Variants in SULT4A1 observed in about 807,000 individuals in gnomAD.
SULT4A1 encodes sulfotransferase family 4A member 1, also known as sulfotransferase 4A1.
In SULT4A1, 11 loss-of-function variants were observed where a neutral mutation model predicts 35.2. The observed-to-expected ratio is 0.31, with a 90% CI of 0.20 to 0.52. SULT4A1 has a LOEUF of 0.52. Among genes scored for constraint, SULT4A1 ranks in the 20% least tolerant of loss-of-function variants. The pLI is 0.97. For synonymous variants in SULT4A1, 152 were observed against 151.8 expected, an observed-to-expected ratio of 1.00 and a Z score of -0.01; for missense variants, 271 against 383.7, an observed-to-expected ratio of 0.71 and a Z score of 2.45.
At chr22:43,848,271 G>A (rs769367276) in intron 1 of SULT4A1, among the ~76,000 whole-genome samples, 3 of 152,186 alleles carry the variant, frequency 2.0e-5, no homozygotes, top group Non-Finnish European at 4.4e-5. Flanking sequence ...GCCACAAAGT[G>A]ACCTGCTGAG....
chr22:43,861,991 A>G (rs1033084550), intron 1 of SULT4A1, among the ~76,000 whole-genome samples: 1 of 152,078 alleles, frequency 6.6e-6, no homozygotes, highest in Non-Finnish European at 1.5e-5. Context: ...AAGGTCTCTG[A>G]CCTTGGTTTC....
intron 6 of SULT4A1, chr22:43,826,324 G>A: frequency 4.1e-6 from 4 of 985,402 alleles, no homozygotes; most frequent in Non-Finnish European, 4.8e-6. Flanking sequence ...AACATGACCT[G>A]AACCAGCTTC....
chr22:43,862,228 G>A lies in SULT4A1; in HGVS notation c.155C>T (p.Thr52Ile). ...PVRPSDVWIV[T>I]YPKSGTSLLQ... ...GCGGGGCTCACCGGACTTGGGGTAGGTGACGATCCACACGTCGCTGGGCCG... is the reference window on the plus strand; with the variant it reads ...GCGGGGCTCACCGGACTTGGGGTAGATGACGATCCACACGTCGCTGGGCCG... The change falls in exon 1 of 7, where the codon ACC (threonine) becomes ATC (isoleucine). Residue 52 changes from threonine (T) to isoleucine (I), a missense_variant. This residue lies in a region of SULT4A1 where 164 missense variants were observed against 254.1 expected (regional missense o/e 0.65). Coordinates refer to ENST00000330884, the MANE Select transcript of SULT4A1 (RefSeq NM_014351.4). 1 of 1,560,244 alleles carries A rather than the reference G, an allele frequency of 6.4e-7. No individual in the cohort carries two copies. The highest frequency in any genetic ancestry group is 8.7e-7 in the Non-Finnish European group (1 of 1,152,764).
rs1352523764 is a variant in SULT4A1, at chr22:43,825,859, C to T, written c.*142G>A. 2.8e-5 allele frequency: 22 copies of T among 783,814 alleles called. No individual in the cohort carries two copies. The East Asian group carries it at 3.3e-4, about 12-fold the overall frequency. The allele number at this position is 783,814 out of a possible 1,614,324, so 48.6% of individuals were successfully genotyped here. On this transcript the variant is annotated 3_prime_UTR_variant, in exon 7 of 7. Coordinates refer to ENST00000330884, the MANE Select transcript of SULT4A1 (RefSeq NM_014351.4). Reference sequence around the variant, plus strand: ...CGGTTGGGAATCATCACACTCCCTCCGCTCACGCCGCTCTTCCCTTCCCCC... The same window carrying T: ...CGGTTGGGAATCATCACACTCCCTCTGCTCACGCCGCTCTTCCCTTCCCCC...
intron 1 of SULT4A1, among the ~76,000 whole-genome samples, chr22:43,859,205 C>T (rs1354879263): frequency 1.3e-5 from 2 of 152,190 alleles, no homozygotes; most frequent in African/African-American, 4.8e-5. Flanking sequence ...GCTTCAGCTC[C>T]CCTCAGCTTC....
intron 1 of SULT4A1, among the ~76,000 whole-genome samples, chr22:43,855,089 T>A (rs1389480128): frequency 6.6e-6 from 1 of 152,138 alleles, no homozygotes; most frequent in South Asian, 2.1e-4. Flanking sequence ...CCTCCAGGCA[T>A]CAGCAGCAGC....
At chr22:43,839,484 C>T (rs992712581) in intron 3 of SULT4A1, among the ~76,000 whole-genome samples, 6 of 152,176 alleles carry the variant, frequency 3.9e-5, no homozygotes, top group African/African-American at 1.4e-4. Flanking sequence ...GTCCCAGCTA[C>T]TCAGGAGGCT....
chr22:43,836,522 G>T (rs1249980905), intron 4 of SULT4A1, among the ~76,000 whole-genome samples: 1 of 140,316 alleles, frequency 7.1e-6, no homozygotes, highest in African/African-American at 2.7e-5. Context: ...TGCCTACACA[G>T]CGTCCTCACA....
intron 1 of SULT4A1, among the ~76,000 whole-genome samples, chr22:43,858,721 C>G (rs2049431773): frequency 6.6e-6 from 1 of 152,098 alleles, no homozygotes. Context: ...CACCCCCACG[C>G]CTCTCTTACC....
chr22:43,857,173 T>C (rs1366761002), intron 1 of SULT4A1, among the ~76,000 whole-genome samples: 1 of 151,764 alleles, frequency 6.6e-6, no homozygotes, highest in Non-Finnish European at 1.5e-5. Context: ...TCAGCAGACT[T>C]GACACAGCAG....
intron 6 of SULT4A1, chr22:43,827,516 G>A: frequency 4.5e-6 from 6 of 1,346,250 alleles, no homozygotes; most frequent in Non-Finnish European, 5.9e-6. Flanking sequence ...TCACCCACCT[G>A]GTTTAGGATT....
rs1301485243 is a variant in SULT4A1, at chr22:43,862,190, GGGCGCGGTC to G, written c.169+15_169+23del. 6.7e-7 allele frequency: 1 copy of G among 1,485,638 alleles called. No individual in the cohort carries two copies. Among genetic ancestry groups the G allele is most frequent in the Non-Finnish European group, 9.0e-7 (1 of 1,115,364 alleles). 92.0% of individuals were successfully genotyped at this position (1,485,638 alleles called of 1,614,324 possible). On this transcript the variant is annotated intron_variant, in intron 1 of 6. Coordinates refer to ENST00000330884, the MANE Select transcript of SULT4A1 (RefSeq NM_014351.4). ...CTGCAGGGCTGGGGCATGGCGTGGC[GGGCGCGGTC>G]GGCGCGGGGCTCACCGGACTTGGGG...
intron 1 of SULT4A1, among the ~76,000 whole-genome samples, chr22:43,849,003 T>A (rs577171209): frequency 1.2e-4 from 19 of 152,294 alleles, no homozygotes; most frequent in African/African-American, 4.3e-4. Context: ...CACTTCTGAG[T>A]GGCAAACCGA....
At chr22:43,857,557 T>C (rs2049416430) in intron 1 of SULT4A1, among the ~76,000 whole-genome samples, 2 of 152,012 alleles carry the variant, frequency 1.3e-5, no homozygotes, top group Admixed American at 1.3e-4. Flanking sequence ...TCCAAAATAA[T>C]GAAAAGCATC....
intron 4 of SULT4A1, among the ~76,000 whole-genome samples, chr22:43,836,306 T>C (rs961838642): frequency 7.4e-6 from 1 of 135,266 alleles, no homozygotes; most frequent in Admixed American, 7.1e-5. Context: ...GGACCCTGTC[T>C]ACACAGCGTC....
chr22:43,850,994 A>C (rs1163081968), intron 1 of SULT4A1, among the ~76,000 whole-genome samples: 2 of 151,958 alleles, frequency 1.3e-5, no homozygotes. Context: ...GAACATTCTG[A>C]AAATCTAGCT....
rs538901926 is a variant in SULT4A1 at position 43,826,309 on chromosome 22, G to A, written c.743-196C>T. On this transcript the variant is annotated intron_variant, in intron 6 of 6. Transcript: ENST00000330884. Reference sequence around the variant, plus strand: ...TAACATTTGTGAAACTACTGGATGCGGCAGAACATGACCTGAACCAGCTTC... The same window carrying A: ...TAACATTTGTGAAACTACTGGATGCAGCAGAACATGACCTGAACCAGCTTC... 12 of 985,360 alleles carry A rather than the reference G, an allele frequency of 1.2e-5. No homozygotes were observed. In the South Asian group the frequency reaches 2.3e-4, roughly 19 times the overall value. 61.0% of individuals were successfully genotyped at this position (985,360 alleles called of 1,614,324 possible).
chr22:43,852,371 G>A (rs193227976), intron 1 of SULT4A1, among the ~76,000 whole-genome samples: 5 of 151,578 alleles, frequency 3.3e-5, no homozygotes, highest in African/African-American at 1.2e-4. Flanking sequence ...AGAGATGGGG[G>A]TCTCCCTATG....
chr22:43,845,511 C>T (rs554002587), intron 1 of SULT4A1, among the ~76,000 whole-genome samples: 1 of 152,272 alleles, frequency 6.6e-6, no homozygotes, highest in African/African-American at 2.4e-5. Context: ...TGAGCCCCGC[C>T]GACCCTGCCG....
Sources: gnomAD v4.1 joint callset for allele counts (sites outside exome capture counted in the v4.1 genomes callset) on GRCh38, gnomAD v4.1.1 for gene constraint, gnomAD v4.1.1 regional missense constraint, MANE v1.5 for transcripts, NCBI Gene and HGNC (gene_info 2026-07-23, HGNC 2026-07-21) for gene names.